FRMD4B: variants seen among roughly 807,000 people sequenced by gnomAD.
FRMD4B encodes FERM domain containing 4B.
FRMD4B carries 74 observed loss-of-function variants against 141.5 expected under a neutral mutation model. The ratio of observed to expected loss-of-function variants is 0.52; its 90% CI spans 0.43 to 0.63. The LOEUF is 0.63. Among genes scored for constraint, FRMD4B ranks in the 30% least tolerant of loss-of-function variants. The probability of loss-of-function intolerance (pLI) is 0.00; values close to 1 mark genes in which losing one functional copy is unlikely to be tolerated. For missense variants in FRMD4B, 1,366 were observed against 1,253.4 expected (o/e 1.09, Z -1.36); for synonymous variants, 506 against 467.9 (o/e 1.08, Z -1.05).
chr3:69,394,787 C>A lies in FRMD4B; in HGVS notation c.-1+37847G>T, dbSNP rs1261893284. ...AACCCAAATGCCCATCAGTGATAGA[C>A]TGGATAAAGAAATTGTGGCAGATAA... On this transcript the variant is annotated intron_variant, in intron 2 of 5. Transcript: ENST00000459638. Among the ~76,000 whole-genome samples the A allele has an allele frequency of 2.6e-5, 4 of 152,214 alleles. No homozygotes were observed. In the East Asian group the frequency reaches 7.7e-4, roughly 29 times the overall value.
intron 11 of FRMD4B, among the ~76,000 whole-genome samples, chr3:69,209,266 C>G (rs746240268): frequency 2.0e-4 from 31 of 152,230 alleles, no homozygotes; most frequent in South Asian, 6.2e-4. Context: ...GAGGAGCCTG[C>G]CTAGGCCTCC....
chr3:69,476,012 G>C (rs1324242189), intron 1 of FRMD4B, among the ~76,000 whole-genome samples: 1 of 151,464 alleles, frequency 6.6e-6, no homozygotes, highest in African/African-American at 2.4e-5. Context: ...CTTCTTTTGA[G>C]AACTGTCTGT....
At chr3:69,316,318 T>C (rs1409890972) in intron 1 of FRMD4B, among the ~76,000 whole-genome samples, 3 of 152,190 alleles carry the variant, frequency 2.0e-5, no homozygotes, top group Non-Finnish European at 2.9e-5. Flanking sequence ...AAGTCTTTAT[T>C]AGCTCTAGGC....
At chr3:69,298,971 T>C (rs938325956) in intron 4 of FRMD4B, among the ~76,000 whole-genome samples, 1 of 151,908 alleles carries the variant, frequency 6.6e-6, no homozygotes, top group Non-Finnish European at 1.5e-5. Context: ...GCATCTAGTA[T>C]AGGGCCAGAC....
intron 20 of FRMD4B, 111 bp from the exon 21 acceptor site, chr3:69,181,821 CTTTGAG>C: frequency 1.5e-6 from 1 of 660,378 alleles, no homozygotes; most frequent in African/African-American, 1.8e-5. Context: ...TACAATAGGA[CTTTGAG>C]TTGCCAAAGC....
chr3:69,351,254 A>T lies in FRMD4B; in HGVS notation c.162+34574T>A, dbSNP rs190696140. 3.9e-3 allele frequency among the ~76,000 whole-genome samples: 594 copies of T among 152,268 alleles called. 3 individuals are homozygous for T. The highest frequency in any genetic ancestry group is 0.013 in the African/African-American group (551 of 41,556). The stretch of plus-strand genomic sequence containing the variant: ...AGTTTAGGAAAATATTGCATTTAAA[A>T]TTTTTTCTAGTTTTCCAACATTAAG... On this transcript the variant is annotated intron_variant, in intron 1 of 22. Transcript: ENST00000398540.
chr3:69,193,544 T>C lies in FRMD4B; in HGVS notation c.1714+104A>G, dbSNP rs142088593. 204 of 656,538 alleles carry C rather than the reference T, an allele frequency of 3.1e-4. No individual in the cohort carries two copies. In the East Asian group the frequency reaches 4.2e-3, roughly 13 times the overall value. The allele number at this position is 656,538 out of a possible 1,614,324, so 40.7% of individuals were successfully genotyped here. ...AGAAAACTTAGTTTTGATCACCTGG[T>C]TCTTCCTTTGATCTCTCATCAACTG... On this transcript the variant is annotated intron_variant, in intron 17 of 22. Transcript: ENST00000398540.
At chr3:69,485,192 CGGCTGGGCTGTG>C (rs1706194778) in intron 1 of FRMD4B, among the ~76,000 whole-genome samples, 1 of 152,204 alleles carries the variant, frequency 6.6e-6, no homozygotes, top group Admixed American at 6.5e-5. Context: ...TGCACACACC[CGGCTGGGCTGTG>C]ACAGTGGCTG....
At chr3:69,343,205 CA>C (rs1288615674) in intron 1 of FRMD4B, among the ~76,000 whole-genome samples, 1 of 152,186 alleles carries the variant, frequency 6.6e-6, no homozygotes, top group Non-Finnish European at 1.5e-5. Context: ...CTTCCTGTCC[CA>C]ACCTCCAAAG....
intron 1 of FRMD4B, among the ~76,000 whole-genome samples, chr3:69,370,604 C>A (rs560850718): frequency 6.6e-6 from 1 of 152,348 alleles, no homozygotes; most frequent in East Asian, 1.9e-4. Context: ...AAAGAATAAA[C>A]CCACACATAC....
rs138351125 is a variant in FRMD4B at position 69,239,104 on chromosome 3, T to A, written c.581+10122A>T. 3.0e-4 allele frequency among the ~76,000 whole-genome samples: 46 copies of A among 152,322 alleles called. No homozygotes were observed. In the East Asian group the frequency reaches 8.5e-3, roughly 28 times the overall value. Reference sequence around the variant, plus strand: ...AGAACTTTGAAAGTAACTTGCCAAGTTCCGAGTTGTGAGCAGTTTGGGGCT... The same window carrying A: ...AGAACTTTGAAAGTAACTTGCCAAGATCCGAGTTGTGAGCAGTTTGGGGCT... On this transcript the variant is annotated intron_variant, in intron 7 of 22. Transcript: ENST00000398540.
At chr3:69,444,243 C>G (rs1266570207) in intron 1 of FRMD4B, among the ~76,000 whole-genome samples, 1 of 152,168 alleles carries the variant, frequency 6.6e-6, no homozygotes, top group Non-Finnish European at 1.5e-5. Context: ...TAATTAAACT[C>G]TTTGTTTACT....
intron 1 of FRMD4B, among the ~76,000 whole-genome samples, chr3:69,540,654 T>C (rs75151717): frequency 0.026 from 2,036 of 77,704 alleles, 54 homozygotes; most frequent in East Asian, 0.13. Flanking sequence ...TATATATATA[T>C]ATATATACAC....
chr3:69,364,716 G>C (rs967158180), intron 1 of FRMD4B, among the ~76,000 whole-genome samples: 22 of 152,020 alleles, frequency 1.4e-4, no homozygotes, highest in African/African-American at 9.7e-5. Flanking sequence ...AAATCTCATC[G>C]AGACAATTCG....
rs1013911670 is a variant in FRMD4B, at chr3:69,187,799, A to G, written c.1890T>C (p.Asn630=). 3 of 1,612,628 alleles carry G rather than the reference A, an allele frequency of 1.9e-6. No homozygotes were observed. The highest frequency in any genetic ancestry group is 2.5e-6 in the Non-Finnish European group (3 of 1,179,018). ...ERIHFRKSSI[N]EQFVDTRQSR... is the part of the protein sequence containing the mutation. ...ACTGCCTGGTATCCACAAACTGTTCATTGATGGACGACTTTCTGAAATGGA... is the reference window on the plus strand; with the variant it reads ...ACTGCCTGGTATCCACAAACTGTTCGTTGATGGACGACTTTCTGAAATGGA... Residue 630 remains asparagine, a synonymous_variant, in exon 19 of 23, where the codon AAT becomes AAC. Transcript: ENST00000398540.
At chr3:69,272,064 G>A (rs1386279040) in intron 5 of FRMD4B, among the ~76,000 whole-genome samples, 1 of 152,148 alleles carries the variant, frequency 6.6e-6, no homozygotes, top group African/African-American at 2.4e-5. Context: ...CAGCTCTGAT[G>A]TTTAGTTTAG....
intron 2 of FRMD4B, among the ~76,000 whole-genome samples, chr3:69,396,819 C>A (rs572889402): frequency 8.5e-5 from 13 of 152,250 alleles, no homozygotes; most frequent in Non-Finnish European, 1.5e-4. Context: ...CCAGCAATTC[C>A]ATTCCTAAGT....
chr3:69,439,019 T>C (rs1238555315), intron 1 of FRMD4B, among the ~76,000 whole-genome samples: 3 of 151,896 alleles, frequency 2.0e-5, no homozygotes, highest in Non-Finnish European at 4.4e-5. Flanking sequence ...GCAACCATTA[T>C]TCTGAATTTG....
chr3:69,199,492 A>C (rs1024493537), intron 11 of FRMD4B, among the ~76,000 whole-genome samples: 2 of 152,256 alleles, frequency 1.3e-5, no homozygotes, highest in East Asian at 3.8e-4. Flanking sequence ...TGAATTTCAA[A>C]AGAATACAAA....
Sources: allele counts gnomAD v4.1 joint callset (sites outside exome capture counted in the v4.1 genomes callset), GRCh38; gene constraint gnomAD v4.1.1; transcripts MANE v1.5; gene names NCBI Gene and HGNC (gene_info 2026-07-23, HGNC 2026-07-21).